The following KMT2A variants were observed in gnomAD, a reference collection of about 807,000 sequenced individuals.
KMT2A encodes histone-lysine N-methyltransferase 2A.
KMT2A carries 16 observed loss-of-function variants against 345.3 expected under a neutral mutation model. That is an observed-to-expected ratio of 0.05 (90% CI 0.03 to 0.07). The LOEUF is 0.07. Ranked by LOEUF, KMT2A falls within the 10% of genes least tolerant of loss-of-function variation. The pLI, the probability that KMT2A is intolerant of heterozygous loss-of-function variation, is 1.00. For synonymous variants in KMT2A, 1,599 were observed against 1,778.6 expected, an observed-to-expected ratio of 0.90 and a Z score of 2.54; for missense variants, 3,272 against 4,841.6, an observed-to-expected ratio of 0.68 and a Z score of 9.62.
At chr11:118,444,866 C>T (rs139001366) in intron 1 of KMT2A, among the ~76,000 whole-genome samples, 7 of 152,306 alleles carry the variant, frequency 4.6e-5, no homozygotes, top group Non-Finnish European at 1.0e-4. Context: ...TGAGGCACTG[C>T]ACCCAACCAG....
Position 118,472,590 on chromosome 11 carries a change from T to G in KMT2A, c.1431T>G (p.Ser477=). The G allele has an allele frequency of 6.2e-7, 1 of 1,611,198 alleles. No homozygotes were observed. The highest frequency in any genetic ancestry group is 8.5e-7 in the Non-Finnish European group (1 of 1,179,488). Residue 477 remains serine, a synonymous_variant, in exon 3 of 36, where the codon TCT becomes TCG. Transcript: ENST00000534358. ...CCTCTCAAATGTCTTCAGACTCCTCTCGATCTAGTAGCCCCAGTGTTGATA... is the reference window on the plus strand; with the variant it reads ...CCTCTCAAATGTCTTCAGACTCCTCGCGATCTAGTAGCCCCAGTGTTGATA... ...QHSSQMSSDS[S]RSSSPSVDTS...
In KMT2A at chr11:118,520,388, C is replaced by T. The variant is rs538425507; in HGVS notation, c.11429+324C>T. ...GACTCATTGGCCAGGCACAGTGGCT[C>T]ATGCCTGTAATTCCAGCACTTTGGA... On this transcript the variant is annotated intron_variant, in intron 33 of 35. Coordinates refer to ENST00000534358, the MANE Select transcript of KMT2A (RefSeq NM_001197104.2). The surrounding 1 kb of genome is among the most constrained non-coding windows in gnomAD (Gnocchi z 4.3). The T allele has an allele frequency of 1.2e-5, 4 of 345,482 alleles. No individual in the cohort carries two copies. Among genetic ancestry groups the T allele is most frequent in the Admixed American group, 8.8e-5 (2 of 22,620 alleles). The allele number at this position is 345,482 out of a possible 1,614,324, so 21.4% of individuals were successfully genotyped here. A position where few individuals can be genotyped will look rare whatever the true frequency, so the allele number is the denominator to read the frequency against.
chr11:118,451,099 A>T (rs1427290125), intron 1 of KMT2A, among the ~76,000 whole-genome samples: 1 of 152,198 alleles, frequency 6.6e-6, no homozygotes, highest in Non-Finnish European at 1.5e-5. Context: ...AAATTGAAAA[A>T]TCGAATTCAT....
rs782651889 is a variant in KMT2A, at chr11:118,521,320, A to G, written c.11546A>G (p.Lys3849Arg). ...ATCCATGGCCGGGGTCTTTTCTGTAAGAGAAACATTGATGCAGGTGAGATG... is the reference window on the plus strand; with the variant it reads ...ATCCATGGCCGGGGTCTTTTCTGTAGGAGAAACATTGATGCAGGTGAGATG... ...SPIHGRGLFC[K>R]RNIDAGEMVI... is the part of the protein sequence containing the mutation. The change falls in exon 35 of 36, where the codon AAG becomes AGG. Residue 3849 changes from lysine (K) to arginine (R), a missense_variant. Physicochemically the swap from Lys to Arg is conservative, Grantham distance 26. Transcript: ENST00000534358. The surrounding 1 kb of genome is among the most constrained non-coding windows in gnomAD (Gnocchi z 5.3). The G allele has an allele frequency of 6.2e-7, 1 of 1,614,042 alleles. No homozygotes were observed. The highest frequency in any genetic ancestry group is 1.3e-5 in the African/African-American group (1 of 75,018).
At chr11:118,477,911 A>T in intron 4 of KMT2A, 56 bp from the exon 5 acceptor site, 1 of 1,263,334 alleles carries the variant, frequency 7.9e-7, no homozygotes, top group Non-Finnish European at 1.1e-6. Flanking sequence ...AGTACCAATT[A>T]AAACCAGGTT....
chr11:118,447,921 G>C (rs1253137032), intron 1 of KMT2A: 1 of 182,900 alleles, frequency 5.5e-6, no homozygotes, highest in Non-Finnish European at 1.2e-5. Flanking sequence ...TGGTAAAAAG[G>C]TTACCAAAAT....
In KMT2A at chr11:118,476,069, C is replaced by T. The variant is rs891210260; in HGVS notation, c.3157-736C>T. On this transcript the variant is annotated intron_variant, in intron 3 of 35. Transcript: ENST00000534358. This position sits in a 1 kb window ranked among gnomAD's most constrained non-coding sequence, Gnocchi z 4.1. ...TACGGGCATGCACCACCACGCCCAGCTAATTTTGTATTTTTAGTAGAGACA... is the reference window on the plus strand; with the variant it reads ...TACGGGCATGCACCACCACGCCCAGTTAATTTTGTATTTTTAGTAGAGACA... 2.0e-5 allele frequency among the ~76,000 whole-genome samples: 3 copies of T among 152,030 alleles called. No homozygotes were observed. Among genetic ancestry groups the T allele is most frequent in the Non-Finnish European group, 4.4e-5 (3 of 68,006 alleles).
chr11:118,510,237 T>G lies in KMT2A; in HGVS notation c.11071+119T>G, dbSNP rs2134432179. 1 of 713,202 alleles carries G rather than the reference T, an allele frequency of 1.4e-6. No homozygotes were observed. Among genetic ancestry groups the G allele is most frequent in the East Asian group, 2.7e-5 (1 of 36,924 alleles). 44.2% of individuals were successfully genotyped at this position (713,202 alleles called of 1,614,324 possible). On this transcript the variant is annotated intron_variant, in intron 30 of 35. Transcript: ENST00000534358. The surrounding 1 kb of genome is among the most constrained non-coding windows in gnomAD (Gnocchi z 4.1). ...TTATGCTAGATGGTAGGGGGATACCTGGAGGCATCATACATTTTCCTTGTC... is the reference window on the plus strand; with the variant it reads ...TTATGCTAGATGGTAGGGGGATACCGGGAGGCATCATACATTTTCCTTGTC...
At chr11:118,509,925 A>G (rs868995941) in intron 29 of KMT2A, 23 bp from the exon 30 acceptor site, 5 of 1,566,632 alleles carry the variant, frequency 3.2e-6, no homozygotes, top group Middle Eastern at 3.4e-4. Context: ...TACTGCAACC[A>G]CTATCTATTT....
rs1950975211 is a variant in KMT2A at position 118,521,744 on chromosome 11, A to T, written c.11644-153A>T. Among the ~76,000 whole-genome samples the T allele has an allele frequency of 6.6e-6, 1 of 152,238 alleles. No homozygotes were observed. The highest frequency in any genetic ancestry group is 1.5e-5 in the Non-Finnish European group (1 of 68,044). ...TAATCTAGGAAATCCTCGTGGAAGCATCTTGAAAGATAGTACTGGGAGAAA... is the reference window on the plus strand; with the variant it reads ...TAATCTAGGAAATCCTCGTGGAAGCTTCTTGAAAGATAGTACTGGGAGAAA... On this transcript the variant is annotated intron_variant, in intron 35 of 35. Coordinates refer to ENST00000534358, the MANE Select transcript of KMT2A (RefSeq NM_001197104.2). This position sits in a 1 kb window ranked among gnomAD's most constrained non-coding sequence, Gnocchi z 5.3.
intron 1 of KMT2A, among the ~76,000 whole-genome samples, chr11:118,453,701 A>G (rs1555029731): frequency 6.6e-6 from 1 of 152,142 alleles, no homozygotes; most frequent in African/African-American, 2.4e-5. Flanking sequence ...CTGAGTGTTT[A>G]TTGTGGGCCA....
In KMT2A at chr11:118,472,102, C is replaced by T. The variant is rs1555035712; in HGVS notation, c.943C>T (p.Pro315Ser). 1.2e-6 allele frequency: 2 copies of T among 1,613,890 alleles called. No homozygotes were observed. The highest frequency in any genetic ancestry group is 1.3e-5 in the African/African-American group (1 of 74,890). The stretch of plus-strand genomic sequence containing the variant: ...TCCATCAACAGAAAGGATAAAGACC[C>T]CTTCGGGTCTCCTCATTAATTCTGA... The part of the protein sequence containing the change: ...RPPSTERIKT[P>S]SGLLINSELE... The change falls in exon 3 of 36, where the codon CCT (proline) becomes TCT (serine). Residue 315 changes from proline to serine, a missense_variant. Around this residue, in one of 27 missense-constraint regions of KMT2A, gnomAD observed 412 missense variants for 511.0 expected, o/e 0.81. Coordinates refer to ENST00000534358, the MANE Select transcript of KMT2A (RefSeq NM_001197104.2).
intron 1 of KMT2A, among the ~76,000 whole-genome samples, chr11:118,453,974 G>T (rs1555029830): frequency 6.6e-6 from 1 of 151,970 alleles, no homozygotes; most frequent in African/African-American, 2.4e-5. Context: ...ATTTATCGTC[G>T]ATTTATCTCT....
At chr11:118,514,145 A>G (rs1389753956) in intron 31 of KMT2A, among the ~76,000 whole-genome samples, 2 of 152,038 alleles carry the variant, frequency 1.3e-5, no homozygotes, top group Non-Finnish European at 2.9e-5. Flanking sequence ...TCAAAATCTT[A>G]CTATTGCCTA....
chr11:118,482,228 CTA>C (rs1950146601), intron 7 of KMT2A, 136 bp downstream of exon 7: 1 of 1,065,968 alleles, frequency 9.4e-7, no homozygotes, highest in Non-Finnish European at 1.3e-6. Context: ...CTCTTTCTAA[CTA>C]TTATGTTTAA....
At chr11:118,458,205 TC>T in intron 1 of KMT2A, 1 of 353,790 alleles carries the variant, frequency 2.8e-6, no homozygotes. Flanking sequence ...CACCTCAACC[TC>T]CCAAGTAGCT....
intron 4 of KMT2A, among the ~76,000 whole-genome samples, chr11:118,477,497 G>GC (rs1950058512): frequency 5.2e-5 from 3 of 57,326 alleles, no homozygotes; most frequent in African/African-American, 7.1e-5. Context: ...CAAGTTATTG[G>GC]CTTTTTTTTT....
At position 118,496,670 on chromosome 11, in the gene KMT2A, TG is replaced by T. The variant is rs1192645449; in HGVS notation, c.5664+304del. Among the ~76,000 whole-genome samples, 1 of 152,226 alleles carries T rather than the reference TG, an allele frequency of 6.6e-6. No homozygotes were observed. Among genetic ancestry groups the T allele is most frequent in the Admixed American group, 6.5e-5 (1 of 15,284 alleles). On this transcript the variant is annotated intron_variant, in intron 20 of 35. Coordinates refer to ENST00000534358, the MANE Select transcript of KMT2A (RefSeq NM_001197104.2). The surrounding 1 kb of genome is among the most constrained non-coding windows in gnomAD (Gnocchi z 4.7). The stretch of plus-strand genomic sequence containing the variant: ...TAATGGAAGTTCCTCAAGAATATTT[TG>T]TGAAAGTTAATAAAATCTAAGTTGC...
intron 2 of KMT2A, among the ~76,000 whole-genome samples, chr11:118,469,952 CAT>C (rs1949914956): frequency 6.6e-6 from 1 of 152,154 alleles, no homozygotes; most frequent in Non-Finnish European, 1.5e-5. Context: ...TTCTCTTTAA[CAT>C]GTGATGAAGT....
Sources: allele counts gnomAD v4.1 joint callset (sites outside exome capture counted in the v4.1 genomes callset), GRCh38; gene constraint gnomAD v4.1.1; regional missense constraint gnomAD v4.1.1; non-coding constraint Gnocchi (gnomAD v3.1); transcripts MANE v1.5; gene names NCBI Gene and HGNC (gene_info 2026-07-23, HGNC 2026-07-21).